The following TTC17 variants were observed in gnomAD, a reference collection of about 807,000 sequenced individuals.
TTC17 encodes the protein tetratricopeptide repeat protein 17.
A neutral mutation model predicts 143.8 loss-of-function variants in TTC17; 58 were observed. The observed-to-expected ratio is 0.40, with a 90% CI of 0.33 to 0.50. The LOEUF (loss-of-function observed/expected upper bound fraction) is 0.50, where lower values mean the gene tolerates loss of function less well. Ranked by LOEUF, TTC17 falls within the 20% of genes least tolerant of loss-of-function variation. The probability of loss-of-function intolerance (pLI) is 0.49; values close to 1 mark genes in which losing one functional copy is unlikely to be tolerated. For missense variants in TTC17, 1,273 were observed against 1,392.5 expected, an observed-to-expected ratio of 0.91 and a Z score of 1.37; for synonymous variants, 501 against 497.8, an observed-to-expected ratio of 1.01 and a Z score of -0.09.
At chr11:43,481,778 C>T (rs1002220011) in intron 21 of TTC17, among the ~76,000 whole-genome samples, 2 of 151,922 alleles carry the variant, frequency 1.3e-5, no homozygotes, top group Non-Finnish European at 2.9e-5. Flanking sequence ...TGATCAGACT[C>T]GCTAGAAGTT....
chr11:43,370,837 GTC>G (rs908172016), intron 1 of TTC17, among the ~76,000 whole-genome samples: 4 of 151,322 alleles, frequency 2.6e-5, no homozygotes, highest in African/African-American at 7.3e-5. Flanking sequence ...TTAAGATGGA[GTC>G]TCTGTTGTCC....
chr11:43,453,154 G>A (rs1056985193), intron 21 of TTC17, among the ~76,000 whole-genome samples: 4 of 137,134 alleles, frequency 2.9e-5, no homozygotes, highest in Non-Finnish European at 4.6e-5. Flanking sequence ...GGGACATAGA[G>A]GACAGAAGTG....
chr11:43,397,253 A>G lies in TTC17; in HGVS notation c.774-94A>G. The G allele has an allele frequency of 2.2e-6, 3 of 1,356,556 alleles. No individual in the cohort carries two copies. The South Asian group carries it at 4.2e-5, about 19-fold the overall frequency. The allele number at this position is 1,356,556 out of a possible 1,614,324, so 84.0% of individuals were successfully genotyped here. ...TATGATTATCTTATTTTCTCCACCT[A>G]TATCTTAGTTTCCTAAGCACAAGTA... is the stretch of plus-strand genomic sequence containing the variant. On this transcript the variant is annotated intron_variant, in intron 6 of 23. Coordinates refer to ENST00000039989, the MANE Select transcript of TTC17 (RefSeq NM_018259.6).
intron 2 of TTC17, among the ~76,000 whole-genome samples, chr11:43,387,737 A>T (rs1423476113): frequency 6.6e-6 from 1 of 151,700 alleles, no homozygotes. Flanking sequence ...AAAGGGTCAC[A>T]TGGGACTTAT....
intron 9 of TTC17, 98 bp from the exon 10 acceptor site, chr11:43,401,348 A>G (rs910619258): frequency 1.4e-6 from 1 of 719,536 alleles, no homozygotes; most frequent in Middle Eastern, 2.7e-4. Context: ...CTAGGCTCTG[A>G]GGGATACAGG....
intron 5 of TTC17, among the ~76,000 whole-genome samples, chr11:43,394,882 G>T (rs1857520856): frequency 6.6e-6 from 1 of 152,068 alleles, no homozygotes. Flanking sequence ...ACCAGAAAGG[G>T]TATCCTGCAG....
intron 1 of TTC17, among the ~76,000 whole-genome samples, chr11:43,372,804 T>C (rs952239477): frequency 4.6e-5 from 7 of 152,054 alleles, no homozygotes; most frequent in African/African-American, 1.7e-4. Context: ...AGTTTTAGTA[T>C]AGGATGTTCA....
chr11:43,375,375 A>G (rs1045969212), intron 1 of TTC17, among the ~76,000 whole-genome samples: 19 of 152,208 alleles, frequency 1.2e-4, no homozygotes, highest in African/African-American at 4.6e-4. Flanking sequence ...AATACTCACT[A>G]AACAGAACCA....
Position 43,476,795 on chromosome 11 carries a change from GAT to G in TTC17, c.3031-13443_3031-13442del, listed in dbSNP as rs879487986. Among the ~76,000 whole-genome samples the G allele has an allele frequency of 2.2e-3, 329 of 152,364 alleles. 2 individuals are homozygous for G. Among genetic ancestry groups the G allele is most frequent in the South Asian group, 5.6e-3 (27 of 4,828 alleles). On this transcript the variant is annotated intron_variant, in intron 21 of 23. Transcript: ENST00000039989. ...GGGAGGGGCTGCCGTGAAGTTCTCT[GAT>G]GTGGCCTGGAGACATCTTCCCCATG...
intron 3 of TTC17, among the ~76,000 whole-genome samples, chr11:43,390,639 A>G (rs1221376319): frequency 6.6e-6 from 1 of 151,144 alleles, no homozygotes; most frequent in Non-Finnish European, 1.5e-5. Context: ...AATAAAAAAT[A>G]AATAAAAATA....
At chr11:43,414,527 C>T (rs903272143) in intron 15 of TTC17, 63 bp from the exon 16 acceptor site, 38 of 1,532,762 alleles carry the variant, frequency 2.5e-5, no homozygotes, top group Non-Finnish European at 3.1e-5. Flanking sequence ...ATACTGTAAA[C>T]GTTTTGTAAC....
intron 16 of TTC17, among the ~76,000 whole-genome samples, chr11:43,434,678 C>T (rs541863719): frequency 2.0e-5 from 3 of 152,326 alleles, no homozygotes; most frequent in Non-Finnish European, 4.4e-5. Flanking sequence ...AAAGCTTATT[C>T]TCTGAAGCAC....
At chr11:43,405,414 G>A (rs1303261305) in intron 11 of TTC17, 100 bp from the exon 12 acceptor site, 1 of 857,532 alleles carries the variant, frequency 1.2e-6, no homozygotes, top group Non-Finnish European at 1.9e-6. Context: ...AGATATTATA[G>A]TTTTGTTCAA....
At chr11:43,381,163 T>C (rs1856953679) in intron 2 of TTC17, among the ~76,000 whole-genome samples, 1 of 152,222 alleles carries the variant, frequency 6.6e-6, no homozygotes, top group Non-Finnish European at 1.5e-5. Flanking sequence ...TGTAGGAGTT[T>C]ATACTTATAC....
chr11:43,369,619 C>CTTTTTTTTTTTTTTTTTATTTT (rs755414628), intron 1 of TTC17, among the ~76,000 whole-genome samples: 1 of 140,622 alleles, frequency 7.1e-6, no homozygotes, highest in Non-Finnish European at 1.6e-5. Flanking sequence ...TTTCTGATTT[C>CTTTTTTTTTTTTTTTTTATTTT]TTTTTTTTTT....
intron 16 of TTC17, among the ~76,000 whole-genome samples, chr11:43,437,424 A>G (rs1947316948): frequency 6.6e-6 from 1 of 152,184 alleles, no homozygotes; most frequent in Non-Finnish European, 1.5e-5. Flanking sequence ...TTTAGTCTGT[A>G]TGTGAAGAAA....
chr11:43,453,005 A>T (rs970954664), intron 21 of TTC17, among the ~76,000 whole-genome samples: 2 of 152,190 alleles, frequency 1.3e-5, no homozygotes, highest in African/African-American at 4.8e-5. Context: ...AGCAATGGAT[A>T]TAAAAACAGG....
At position 43,391,875 on chromosome 11, in the gene TTC17, A is replaced by G. The variant is rs752901241; in HGVS notation, c.586A>G (p.Ile196Val). The G allele has an allele frequency of 1.1e-5, 18 of 1,613,898 alleles. No individual in the cohort carries two copies. Among genetic ancestry groups the G allele is most frequent in the Admixed American group, 6.7e-5 (4 of 59,964 alleles). Reference protein sequence around the residue: ...SAPLLPKEDPIFTYLSKRLGR... With the variant: ...SAPLLPKEDPVFTYLSKRLGR... Reference sequence around the variant, plus strand: ...ACCTCTGCTACCTAAAGAAGACCCAATCTTCACATATTTATCTAAACGGTT... The same window carrying G: ...ACCTCTGCTACCTAAAGAAGACCCAGTCTTCACATATTTATCTAAACGGTT... The change falls in exon 5 of 24, where the codon ATC (isoleucine) becomes GTC (valine). Residue 196 changes from isoleucine (I) to valine (V), a missense_variant. Ile to Val is a conservative substitution (Grantham distance 29, BLOSUM62 3). This residue lies in a region of TTC17 where 325 missense variants were observed against 444.2 expected (regional missense o/e 0.73). Coordinates refer to ENST00000039989, the MANE Select transcript of TTC17 (RefSeq NM_018259.6).
chr11:43,377,087 T>A (rs1856787729), intron 1 of TTC17, among the ~76,000 whole-genome samples: 1 of 151,728 alleles, frequency 6.6e-6, no homozygotes, highest in Non-Finnish European at 1.5e-5. Context: ...AGGTCAGGAG[T>A]TCGAGACCAG....
Sources: gnomAD v4.1 joint callset for allele counts (sites outside exome capture counted in the v4.1 genomes callset) on GRCh38, gnomAD v4.1.1 for gene constraint, gnomAD v4.1.1 regional missense constraint, MANE v1.5 for transcripts, NCBI Gene and HGNC (gene_info 2026-07-23, HGNC 2026-07-21) for gene names.